The following NOD2 variants were observed in gnomAD, a reference collection of about 807,000 sequenced individuals.
The protein encoded by NOD2 is nucleotide-binding oligomerization domain-containing protein 2.
In NOD2, 86 loss-of-function variants were observed where a neutral mutation model predicts 90.9. That is an observed-to-expected ratio of 0.95 (90% CI 0.79 to 1.13). NOD2 has a LOEUF of 1.13. Ranked by LOEUF, NOD2 falls within the 50% of genes most tolerant of loss-of-function variation. NOD2 has a pLI of 0.00. For synonymous variants in NOD2, 581 were observed against 554.6 expected (o/e 1.05, Z -0.67); for missense variants, 1,238 against 1,283.8 (o/e 0.96, Z 0.55).
intron 2 of NOD2, among the ~76,000 whole-genome samples, chr16:50,706,842 A>C (rs1452344440): frequency 6.6e-6 from 1 of 151,720 alleles, no homozygotes; most frequent in Non-Finnish European, 1.5e-5. Flanking sequence ...GACTACAGGC[A>C]CCTGCCACCA....
chr16:50,698,456 G>A (rs1464628791), intron 1 of NOD2, among the ~76,000 whole-genome samples: 3 of 152,208 alleles, frequency 2.0e-5, no homozygotes, highest in East Asian at 1.9e-4. Context: ...AGTTTGCACC[G>A]TAATTTTTCA....
chr16:50,695,312 C>T (rs1000547736), intron 1 of NOD2, among the ~76,000 whole-genome samples: 5 of 151,958 alleles, frequency 3.3e-5, no homozygotes, highest in Admixed American at 6.6e-5. Flanking sequence ...AAGGCCGTGT[C>T]GATAGGGTTT....
chr16:50,698,346 G>C (rs560311749), intron 1 of NOD2, among the ~76,000 whole-genome samples: 1 of 152,204 alleles, frequency 6.6e-6, no homozygotes, highest in African/African-American at 2.4e-5. Flanking sequence ...GTCTGTGCAC[G>C]GTGGTTTCGA....
At chr16:50,730,013 T>G (rs1452598620) in intron 11 of NOD2, 112 bp downstream of exon 11, 1 of 727,572 alleles carries the variant, frequency 1.4e-6, no homozygotes, top group African/African-American at 1.7e-5. Flanking sequence ...CTTCTGATTC[T>G]GACATTCAGT....
chr16:50,697,570 T>G, intron 1 of NOD2: 1 of 559,178 alleles, frequency 1.8e-6, no homozygotes, highest in Non-Finnish European at 3.2e-6. Context: ...GAGCTTATTC[T>G]ACCCTTTTTT....
chr16:50,701,967 G>A (rs768357477), intron 2 of NOD2, among the ~76,000 whole-genome samples: 5 of 152,172 alleles, frequency 3.3e-5, no homozygotes, highest in Non-Finnish European at 5.9e-5. Flanking sequence ...TTTGAGATGG[G>A]GGTCTCACTG....
At position 50,699,803 on chromosome 16, in the gene NOD2, C is replaced by G. The variant is rs200160605; in HGVS notation, c.308C>G (p.Pro103Arg). The change falls in exon 2 of 12, where the codon CCA becomes CGA. Residue 103 changes from proline to arginine, a missense_variant. By Grantham distance (103) the Pro-to-Arg change is moderately radical. Coordinates refer to ENST00000647318, the MANE Select transcript of NOD2 (RefSeq NM_001370466.1). ...HGCWDPHSLH[P>R]ARDLQSHRPA... ...TGCTGGGACCCCCACTCGCTCCACC[C>G]AGCCCGAGACCTGCAGAGTCACCGG... The G allele has an allele frequency of 6.2e-7, 1 of 1,613,752 alleles. No individual in the cohort carries two copies. The highest frequency in any genetic ancestry group is 2.2e-5 in the East Asian group (1 of 44,888).
rs2150781219 is a variant in NOD2, at chr16:50,699,482, C to A, written c.-8-6C>A. 1 of 1,612,344 alleles carries A rather than the reference C, an allele frequency of 6.2e-7. No individual in the cohort carries two copies. Among genetic ancestry groups the A allele is most frequent in the African/African-American group, 1.3e-5 (1 of 74,992 alleles). Reference sequence around the variant, plus strand: ...AGTCCCGCACTGACCTTGTTCTCCTCCCCAGGTTGTGAAATGTGCTCGCAG... The same window carrying A: ...AGTCCCGCACTGACCTTGTTCTCCTACCCAGGTTGTGAAATGTGCTCGCAG... On this transcript the variant is annotated splice_polypyrimidine_tract_variant and splice_region_variant and intron_variant, in intron 1 of 11. Transcript: ENST00000647318.
chr16:50,697,638 G>A (rs1963718173), intron 1 of NOD2: 1 of 411,716 alleles, frequency 2.4e-6, no homozygotes, highest in African/African-American at 2.1e-5. Flanking sequence ...GCTTAGATGT[G>A]GGCACAAGGA....
chr16:50,731,432 G>A (rs938944776), intron 11 of NOD2, among the ~76,000 whole-genome samples: 1 of 152,126 alleles, frequency 6.6e-6, no homozygotes, highest in African/African-American at 2.4e-5. Flanking sequence ...AGGGCACCAG[G>A]GTTTGCTCAT....
rs779950802 is a variant in NOD2, at chr16:50,711,489, C to G, written c.1497C>G (p.Thr499=). The change falls in exon 4 of 12, where the codon ACC becomes ACG. Residue 499 remains threonine (T), a synonymous_variant. Coordinates refer to ENST00000647318, the MANE Select transcript of NOD2 (RefSeq NM_001370466.1). ...TGCAGCATTTTCTGCTGCATGCCACCCCCCCAGACTCAGCTTCCCAAGGTC... is the reference window on the plus strand; with the variant it reads ...TGCAGCATTTTCTGCTGCATGCCACGCCCCCAGACTCAGCTTCCCAAGGTC... ...LILQHFLLHA[T]PPDSASQGLG... The G allele has an allele frequency of 9.3e-6, 15 of 1,613,140 alleles. No homozygotes were observed. Among genetic ancestry groups the G allele is most frequent in the Middle Eastern group, 3.3e-4 (2 of 6,082 alleles).
chr16:50,723,877 ACTGCTGCTGCTG>A (rs912535842), intron 9 of NOD2, among the ~76,000 whole-genome samples: 1 of 151,942 alleles, frequency 6.6e-6, no homozygotes, highest in Non-Finnish European at 1.5e-5. Flanking sequence ...TACTACTATT[ACTGCTGCTGCTG>A]CTGCTGCTGC....
At chr16:50,723,139 GAAAAAAA>G (rs59171756) in intron 8 of NOD2, among the ~76,000 whole-genome samples, 155 bp from the exon 9 acceptor site, 5 of 107,844 alleles carry the variant, frequency 4.6e-5, no homozygotes, top group African/African-American at 1.4e-4. Flanking sequence ...AAAAAGGGTA[GAAAAAAA>G]AAAAAAAAGA....
chr16:50,697,501 C>T (rs534192645), intron 1 of NOD2: 119 of 681,182 alleles, frequency 1.7e-4, no homozygotes, highest in African/African-American at 1.6e-3. Context: ...TGGTGGGGGC[C>T]GCTGTCGCAT....
Position 50,712,107 on chromosome 16 carries a change from C to A in NOD2, c.2115C>A (p.Ser705Arg), listed in dbSNP as rs6413461. 6 of 1,613,870 alleles carry A rather than the reference C, an allele frequency of 3.7e-6. No homozygotes were observed. The highest frequency in any genetic ancestry group is 5.1e-6 in the Non-Finnish European group (6 of 1,180,036). The change falls in exon 4 of 12, where the codon AGC (serine) becomes AGA (arginine). Residue 705 changes from serine (S) to arginine (R), a missense_variant. Physicochemically the swap from Ser to Arg is moderately radical, Grantham distance 110. This residue lies in a region of NOD2 where 667 missense variants were observed against 688.7 expected (regional missense o/e 0.97). Coordinates refer to ENST00000647318, the MANE Select transcript of NOD2 (RefSeq NM_001370466.1). ...IPPAAPGEAK[S>R]VHAMPGFIWL... is the part of the protein sequence containing the mutation. Reference sequence around the variant, plus strand: ...CAGCTGCACCGGGTGAGGCCAAGAGCGTGCATGCCATGCCCGGGTTCATCT... The same window carrying A: ...CAGCTGCACCGGGTGAGGCCAAGAGAGTGCATGCCATGCCCGGGTTCATCT...
At chr16:50,703,489 A>C (rs1964033328) in intron 2 of NOD2, among the ~76,000 whole-genome samples, 2 of 151,926 alleles carry the variant, frequency 1.3e-5, no homozygotes, top group South Asian at 4.2e-4. Context: ...AATACAAAAA[A>C]TTAGCCAAGA....
rs757914381 is a variant in NOD2 at position 50,699,545 on chromosome 16, T to A, written c.50T>A (p.Leu17Gln). The A allele has an allele frequency of 4.3e-6, 7 of 1,613,912 alleles. No individual in the cohort carries two copies. Among genetic ancestry groups the A allele is most frequent in the Non-Finnish European group, 5.9e-6 (7 of 1,180,010 alleles). The stretch of plus-strand genomic sequence containing the variant: ...GCACAGAGGAGCCAGCTGGTCGAGC[T>A]GCTGGTCTCAGGGTCCCTGGAAGGC... Reference protein sequence around the residue: ...FQAQRSQLVELLVSGSLEGFE... With the variant: ...FQAQRSQLVEQLVSGSLEGFE... Residue 17 changes from leucine to glutamine, a missense_variant, in exon 2 of 12, where the codon CTG (leucine) becomes CAG (glutamine). This residue lies in a region of NOD2 where 567 missense variants were observed against 577.3 expected (regional missense o/e 0.98). Transcript: ENST00000647318.
intron 1 of NOD2, chr16:50,697,225 C>G: frequency 5.2e-6 from 8 of 1,552,558 alleles, no homozygotes; most frequent in Non-Finnish European, 6.1e-6. Context: ...TGCCTGCTCC[C>G]CCAGCCTAAT....
At chr16:50,705,350 C>T (rs568462862) in intron 2 of NOD2, among the ~76,000 whole-genome samples, 54 of 152,270 alleles carry the variant, frequency 3.5e-4, no homozygotes, top group African/African-American at 9.9e-4. Flanking sequence ...TTTCTTTCCC[C>T]TTCCCCCCTT....
Sources: allele counts gnomAD v4.1 joint callset (sites outside exome capture counted in the v4.1 genomes callset), GRCh38; gene constraint gnomAD v4.1.1; regional missense constraint gnomAD v4.1.1; transcripts MANE v1.5; gene names NCBI Gene and HGNC (gene_info 2026-07-23, HGNC 2026-07-21).